The following PPP3CA variants were observed in gnomAD, a reference collection of about 807,000 sequenced individuals.
The protein encoded by PPP3CA is CAM-PRP catalytic subunit.
PPP3CA carries 14 observed loss-of-function variants against 66.5 expected under a neutral mutation model. The observed-to-expected ratio is 0.21, with a 90% CI of 0.14 to 0.33. The LOEUF (loss-of-function observed/expected upper bound fraction) is 0.33, where lower values mean the gene tolerates loss of function less well. Among genes scored for constraint, PPP3CA ranks in the 10% least tolerant of loss-of-function variants. The pLI is 1.00. For synonymous variants in PPP3CA, 232 were observed against 226.2 expected (o/e 1.03, Z -0.23); for missense variants, 317 against 639.5 (o/e 0.50, Z 5.44).
In PPP3CA at chr4:101,183,012, T is replaced by C. The variant is rs537296690; in HGVS notation, c.259+12904A>G. Reference sequence around the variant, plus strand: ...CCTCTTTCTTTTGTAAATTGCCCAGTCTCTGGTATGTCTTTATTAGCAGCA... The same window carrying C: ...CCTCTTTCTTTTGTAAATTGCCCAGCCTCTGGTATGTCTTTATTAGCAGCA... On this transcript the variant is annotated intron_variant, in intron 2 of 13. Coordinates refer to ENST00000394854, the MANE Select transcript of PPP3CA (RefSeq NM_000944.5). Among the ~76,000 whole-genome samples the C allele has an allele frequency of 9.2e-5, 14 of 152,260 alleles. No individual in the cohort carries two copies. In the South Asian group the frequency reaches 2.7e-3, roughly 29 times the overall value.
At chr4:101,118,232 T>C (rs1033471290) in intron 2 of PPP3CA, among the ~76,000 whole-genome samples, 1 of 152,200 alleles carries the variant, frequency 6.6e-6, no homozygotes, top group African/African-American at 2.4e-5. Context: ...GGCAGTATAG[T>C]GCAATGGTTA....
intron 6 of PPP3CA, among the ~76,000 whole-genome samples, chr4:101,089,460 G>A (rs930646601): frequency 1.3e-5 from 2 of 152,166 alleles, no homozygotes; most frequent in African/African-American, 4.8e-5. Flanking sequence ...GTTGCTACCT[G>A]TAGCTTCCAA....
At chr4:101,178,687 ATG>A (rs1484608614) in intron 2 of PPP3CA, among the ~76,000 whole-genome samples, 3 of 152,120 alleles carry the variant, frequency 2.0e-5, no homozygotes, top group African/African-American at 7.2e-5. Flanking sequence ...CAAAAAGGCC[ATG>A]TCTATTCCCA....
chr4:101,044,146 G>C (rs1727659510), intron 10 of PPP3CA, among the ~76,000 whole-genome samples: 1 of 152,068 alleles, frequency 6.6e-6, no homozygotes, highest in Non-Finnish European at 1.5e-5. Flanking sequence ...CAGTGTAAAG[G>C]AGCTGAACAA....
chr4:101,173,396 T>C (rs1723948968), intron 2 of PPP3CA, among the ~76,000 whole-genome samples: 1 of 152,142 alleles, frequency 6.6e-6, no homozygotes, highest in Non-Finnish European at 1.5e-5. Context: ...ATCCAAACTT[T>C]AGAGGGCTTT....
chr4:101,123,793 ACT>A (rs1194345237), intron 2 of PPP3CA, among the ~76,000 whole-genome samples: 1 of 151,984 alleles, frequency 6.6e-6, no homozygotes, highest in Non-Finnish European at 1.5e-5. Flanking sequence ...CAACAGAAAG[ACT>A]CTATCTTGCT....
chr4:101,196,206 A>T (rs952870985), intron 1 of PPP3CA, 90 bp from the exon 2 acceptor site: 1 of 1,158,600 alleles, frequency 8.6e-7, no homozygotes, highest in Non-Finnish European at 1.2e-6. Context: ...CCTCATCACA[A>T]ACCAACTAAT....
intron 10 of PPP3CA, among the ~76,000 whole-genome samples, chr4:101,044,288 A>G (rs532153933): frequency 1.4e-3 from 219 of 152,318 alleles, no homozygotes; most frequent in Middle Eastern, 0.014. Context: ...CCAAATCCTC[A>G]CAGTCCATAA....
At chr4:101,189,771 A>G (rs1724538132) in intron 2 of PPP3CA, among the ~76,000 whole-genome samples, 2 of 151,814 alleles carry the variant, frequency 1.3e-5, no homozygotes, top group African/African-American at 4.8e-5. Context: ...CCCCCAAAAA[A>G]CTATAAAAAA....
intron 10 of PPP3CA, among the ~76,000 whole-genome samples, chr4:101,053,768 T>C (rs1728107819): frequency 6.6e-6 from 1 of 152,102 alleles, no homozygotes; most frequent in African/African-American, 2.4e-5. Context: ...ACTCAGCTTT[T>C]GTTTCCTTTG....
At chr4:101,326,209 G>A (rs2110328159) in intron 1 of PPP3CA, among the ~76,000 whole-genome samples, 1 of 152,250 alleles carries the variant, frequency 6.6e-6, no homozygotes, top group Non-Finnish European at 1.5e-5. Context: ...GTATATGTGG[G>A]TTAACTGTCC....
At chr4:101,207,327 C>T (rs751452086) in intron 1 of PPP3CA, among the ~76,000 whole-genome samples, 66 of 152,256 alleles carry the variant, frequency 4.3e-4, no homozygotes, top group South Asian at 8.3e-4. Flanking sequence ...ATTAAAAAGA[C>T]ATTTTTAATT....
chr4:101,106,973 T>C (rs1730782444), intron 3 of PPP3CA, among the ~76,000 whole-genome samples: 1 of 152,196 alleles, frequency 6.6e-6, no homozygotes, highest in Non-Finnish European at 1.5e-5. Flanking sequence ...GGTTTTGTTT[T>C]GTTGTTGTTA....
In PPP3CA at chr4:101,268,438, T is replaced by C. The variant is rs77025077; in HGVS notation, c.59-72322A>G. Among the ~76,000 whole-genome samples, 1,247 of 152,224 alleles carry C rather than the reference T, an allele frequency of 8.2e-3. 11 individuals are homozygous for C. The highest frequency in any genetic ancestry group is 0.02 in the Middle Eastern group (6 of 294). On this transcript the variant is annotated intron_variant, in intron 1 of 13. Coordinates refer to ENST00000394854, the MANE Select transcript of PPP3CA (RefSeq NM_000944.5). ...CAGAGAATTCCAACCTCACAGTTTT[T>C]ATGGTGCCATAGGACCACAATGCTG... is the stretch of plus-strand genomic sequence containing the variant.
chr4:101,289,975 G>C (rs1055922055), intron 1 of PPP3CA, among the ~76,000 whole-genome samples: 2 of 151,786 alleles, frequency 1.3e-5, no homozygotes, highest in East Asian at 3.9e-4. Context: ...TGCTAGAATG[G>C]TGCAAGGAAG....
At chr4:101,123,251 G>A (rs1241729622) in intron 2 of PPP3CA, among the ~76,000 whole-genome samples, 3 of 152,158 alleles carry the variant, frequency 2.0e-5, no homozygotes, top group Admixed American at 1.3e-4. Context: ...GCACATAGGG[G>A]ATCCTCAATA....
intron 11 of PPP3CA, among the ~76,000 whole-genome samples, chr4:101,040,105 T>C (rs1456708623): frequency 6.6e-6 from 1 of 152,116 alleles, no homozygotes; most frequent in African/African-American, 2.4e-5. Flanking sequence ...TCTAGTGAAA[T>C]GTGTCTGATA....
chr4:101,265,364 C>T (rs1411906421), intron 1 of PPP3CA, among the ~76,000 whole-genome samples: 4 of 152,190 alleles, frequency 2.6e-5, no homozygotes, highest in Non-Finnish European at 5.9e-5. Context: ...CCACCTCAGC[C>T]TCCCAAACTG....
intron 8 of PPP3CA, among the ~76,000 whole-genome samples, chr4:101,068,453 G>C (rs996356215): frequency 6.6e-6 from 1 of 151,044 alleles, no homozygotes; most frequent in African/African-American, 2.5e-5. Context: ...TGAAGATTAT[G>C]CTGGTATGCT....
Sources: gnomAD v4.1 joint callset for allele counts (sites outside exome capture counted in the v4.1 genomes callset) on GRCh38, gnomAD v4.1.1 for gene constraint, MANE v1.5 for transcripts, NCBI Gene and HGNC (gene_info 2026-07-23, HGNC 2026-07-21) for gene names.